Variants in KAZN observed in about 807,000 individuals in gnomAD.
KAZN encodes kazrin, periplakin interacting protein, also known as kazrin.
In KAZN, 40 loss-of-function variants were observed where a neutral mutation model predicts 87.4. The ratio of observed to expected loss-of-function variants is 0.46; its 90% CI spans 0.36 to 0.60. KAZN has a LOEUF of 0.60. Ranked by LOEUF, KAZN falls within the 20% of genes least tolerant of loss-of-function variation. The pLI, the probability that KAZN is intolerant of heterozygous loss-of-function variation, is 0.00. For missense variants in KAZN, 898 were observed against 1,073.9 expected, an observed-to-expected ratio of 0.84 and a Z score of 2.29; for synonymous variants, 466 against 458.3, an observed-to-expected ratio of 1.02 and a Z score of -0.22.
chr1:13,898,326 A>G (rs1036405458), intron 1 of KAZN, among the ~76,000 whole-genome samples: 1 of 152,176 alleles, frequency 6.6e-6, no homozygotes, highest in Non-Finnish European at 1.5e-5. Context: ...CTGTTGCCCC[A>G]TCCCCTGGCC....
At chr1:14,546,734 T>C (rs1406871182) in intron 2 of KAZN, among the ~76,000 whole-genome samples, 1 of 152,210 alleles carries the variant, frequency 6.6e-6, no homozygotes, top group Non-Finnish European at 1.5e-5. Flanking sequence ...TAGACTTTCC[T>C]AGGAAAATCA....
chr1:14,423,660 C>T (rs71629883), intron 2 of KAZN, among the ~76,000 whole-genome samples: 10,502 of 152,240 alleles, frequency 0.069, 454 homozygotes, highest in Middle Eastern at 0.11. Flanking sequence ...CACTCTGTAA[C>T]CATACCTAGT....
intron 2 of KAZN, among the ~76,000 whole-genome samples, chr1:15,033,496 C>G (rs1671944377): frequency 6.6e-6 from 1 of 152,216 alleles, no homozygotes; most frequent in African/African-American, 2.4e-5. Context: ...AGCTATCAGA[C>G]TTTTCCAAAA....
At chr1:14,424,998 AAAACAT>A (rs1665640986) in intron 2 of KAZN, among the ~76,000 whole-genome samples, 1 of 152,244 alleles carries the variant, frequency 6.6e-6, no homozygotes, top group South Asian at 2.1e-4. Flanking sequence ...CACATAATGA[AAAACAT>A]AAGTCACTTT....
intron 2 of KAZN, among the ~76,000 whole-genome samples, chr1:14,313,144 G>C (rs1301375933): frequency 6.6e-6 from 1 of 152,096 alleles, no homozygotes; most frequent in Non-Finnish European, 1.5e-5. Flanking sequence ...ACCACTGATT[G>C]ATCAAAGTAA....
intron 1 of KAZN, among the ~76,000 whole-genome samples, chr1:14,704,757 G>C (rs895753685): frequency 1.3e-5 from 2 of 152,162 alleles, no homozygotes; most frequent in African/African-American, 4.8e-5. Context: ...ATGACATCGG[G>C]GTTCAGCCAG....
intron 1 of KAZN, among the ~76,000 whole-genome samples, chr1:13,897,472 A>G (rs1639087809): frequency 6.6e-6 from 1 of 152,162 alleles, no homozygotes; most frequent in Non-Finnish European, 1.5e-5. Context: ...ACACGAGGCC[A>G]CACTCTCAGG....
chr1:14,069,226 A>G (rs1643145571), intron 1 of KAZN, among the ~76,000 whole-genome samples: 1 of 152,230 alleles, frequency 6.6e-6, no homozygotes, highest in Admixed American at 6.5e-5. Flanking sequence ...TGCATTACAC[A>G]GTGCATCTTC....
intron 1 of KAZN, among the ~76,000 whole-genome samples, chr1:13,989,409 A>G (rs192682694): frequency 6.2e-4 from 94 of 152,254 alleles, no homozygotes; most frequent in African/African-American, 2.0e-3. Context: ...TTCAGGCGGG[A>G]ATCAGAGAAA....
chr1:14,262,780 G>T (rs568097793), intron 2 of KAZN, among the ~76,000 whole-genome samples: 2 of 152,274 alleles, frequency 1.3e-5, no homozygotes, highest in East Asian at 1.9e-4. Context: ...TGTACAAGTC[G>T]TAAATCATTC....
chr1:15,022,673 A>G (rs1320882821), intron 2 of KAZN, among the ~76,000 whole-genome samples: 2 of 152,206 alleles, frequency 1.3e-5, no homozygotes, highest in Non-Finnish European at 2.9e-5. Flanking sequence ...CATTTAAGGC[A>G]TGGGAAGTAG....
intron 2 of KAZN, among the ~76,000 whole-genome samples, chr1:14,509,388 C>A (rs77167506): frequency 0.032 from 4,868 of 152,206 alleles, 202 homozygotes; most frequent in East Asian, 0.17. Context: ...ACCACTCAAG[C>A]GCATGGTCTT....
rs1019457279 is a variant in KAZN at position 15,081,248 on chromosome 1, C to T, written c.1223-12932C>T. Among the ~76,000 whole-genome samples, 1 of 152,238 alleles carries T rather than the reference C, an allele frequency of 6.6e-6. No individual in the cohort carries two copies. Among genetic ancestry groups the T allele is most frequent in the Non-Finnish European group, 1.5e-5 (1 of 68,042 alleles). On this transcript the variant is annotated intron_variant, in intron 8 of 14. Transcript: ENST00000376030. The surrounding 1 kb of genome is among the most constrained non-coding windows in gnomAD (Gnocchi z 4.1). ...CTCACACAGGCCCACGGATGGCTCT[C>T]TTCCCAACTCCACGTCCAGTGACAG... is the stretch of plus-strand genomic sequence containing the variant.
intron 1 of KAZN, among the ~76,000 whole-genome samples, chr1:13,970,339 G>C (rs1400323249): frequency 6.6e-6 from 1 of 152,186 alleles, no homozygotes; most frequent in East Asian, 1.9e-4. Context: ...GAACGGTGCT[G>C]AGCCCATCTG....
At chr1:15,057,657 G>A (rs557255246) in intron 5 of KAZN, among the ~76,000 whole-genome samples, 1 of 152,290 alleles carries the variant, frequency 6.6e-6, no homozygotes, top group East Asian at 1.9e-4. Context: ...AGGTGGAAGA[G>A]CTTATAATAA....
At chr1:15,042,147 T>C (rs1462720845) in intron 3 of KAZN, among the ~76,000 whole-genome samples, 1 of 152,186 alleles carries the variant, frequency 6.6e-6, no homozygotes, top group African/African-American at 2.4e-5. Context: ...TGTGAACCAG[T>C]GACTGCGATG....
chr1:14,257,969 AAAAG>A (rs1271557285), intron 2 of KAZN, among the ~76,000 whole-genome samples: 7 of 140,312 alleles, frequency 5.0e-5, no homozygotes, highest in East Asian at 4.7e-4. Flanking sequence ...TAAAAAAAAA[AAAAG>A]AGAAAAAAAA....
At chr1:14,198,801 C>T (rs1349346561) in intron 2 of KAZN, among the ~76,000 whole-genome samples, 3 of 152,134 alleles carry the variant, frequency 2.0e-5, no homozygotes, top group African/African-American at 7.2e-5. Context: ...TTACAACCCT[C>T]TAAGGTAGGG....
At position 15,060,552 on chromosome 1, in the gene KAZN, G is replaced by C. The variant is rs116316473; in HGVS notation, c.1047+250G>C. ...ATCCAGAGGAAGCGGGCCTGGGTCG[G>C]CCGCAGGCACAGCCTGGAACTCTGC... On this transcript the variant is annotated intron_variant, in intron 6 of 14. Transcript: ENST00000376030. 6 of 518,052 alleles carry C rather than the reference G, an allele frequency of 1.2e-5. No homozygotes were observed. The East Asian group carries it at 1.4e-4, about 12-fold the overall frequency. 32.1% of individuals were successfully genotyped at this position (518,052 alleles called of 1,614,324 possible). A position where few individuals can be genotyped will look rare whatever the true frequency, so the allele number is the denominator to read the frequency against.
Sources: allele counts gnomAD v4.1 joint callset (sites outside exome capture counted in the v4.1 genomes callset), GRCh38; gene constraint gnomAD v4.1.1; non-coding constraint Gnocchi (gnomAD v3.1); transcripts MANE v1.5; gene names NCBI Gene and HGNC (gene_info 2026-07-23, HGNC 2026-07-21).